Variants in DHRS13 observed in about 807,000 individuals in gnomAD.
DHRS13 encodes dehydrogenase/reductase SDR family member 13.
In DHRS13, 22 loss-of-function variants were observed where a neutral mutation model predicts 17.9. The observed-to-expected ratio is 1.23, with a 90% CI of 0.88 to 1.75. The LOEUF (loss-of-function observed/expected upper bound fraction) is 1.75, where lower values mean the gene tolerates loss of function less well. Ranked by LOEUF, DHRS13 falls within the 40% of genes most tolerant of loss-of-function variation. The probability of loss-of-function intolerance (pLI) is 0.00; values close to 1 mark genes in which losing one functional copy is unlikely to be tolerated. For synonymous variants in DHRS13, 206 were observed against 220.4 expected, an observed-to-expected ratio of 0.93 and a Z score of 0.58; for missense variants, 483 against 519.9, an observed-to-expected ratio of 0.93 and a Z score of 0.69.
In DHRS13 at chr17:28,901,246, G is replaced by T; in HGVS notation, c.426C>A (p.Asn142Lys). Residue 142 changes from asparagine (N) to lysine (K), a missense_variant, in exon 4 of 5, where the codon AAC becomes AAA. Transcript: ENST00000378895. The surrounding 1 kb of genome is among the most constrained non-coding windows in gnomAD (Gnocchi z 4.3). Reference sequence around the variant, plus strand: ...GTGTCAGCAGAAAGGGACCGATATGGTTCACCCGAAGCAGCAGGTTAAACG... The same window carrying T: ...GTGTCAGCAGAAAGGGACCGATATGTTTCACCCGAAGCAGCAGGTTAAACG... ...REAFNLLLRV[N>K]HIGPFLLTHL... 6.2e-7 allele frequency: 1 copy of T among 1,614,146 alleles called. No individual in the cohort carries two copies. The highest frequency in any genetic ancestry group is 8.5e-7 in the Non-Finnish European group (1 of 1,179,998).
In DHRS13 at chr17:28,902,862, C is replaced by G. The variant is rs762229292; in HGVS notation, c.83G>C (p.Cys28Ser). The G allele has an allele frequency of 6.4e-7, 1 of 1,550,874 alleles. No homozygotes were observed. Among genetic ancestry groups the G allele is most frequent in the Non-Finnish European group, 8.6e-7 (1 of 1,156,914 alleles). ...VYYNLVKAPP[C>S]GGMGNLRGRT... ...GCCCCGCAGGTTGCCCATGCCGCCG[C>G]ACGGCGGGGCCTTCACCAGGTTGTA... Residue 28 changes from cysteine (C) to serine (S), a missense_variant, in exon 1 of 5, where the codon TGC (cysteine) becomes TCC (serine). Coordinates refer to ENST00000378895, the MANE Select transcript of DHRS13 (RefSeq NM_144683.4). This position sits in a 1 kb window ranked among gnomAD's most constrained non-coding sequence, Gnocchi z 4.0.
At position 28,898,805 on chromosome 17, in the gene DHRS13, G is replaced by GC; in HGVS notation, c.769dup (p.Ala257GlyfsTer64). ...GGGTGTCTGGGCACCCCCTCTTGGT[G>GC]CCCGGAGCACCAGCCAAGCCAATGG... On this transcript the variant is annotated frameshift_variant, in exon 5 of 5. Transcript: ENST00000378895. LOFTEE classifies it low-confidence loss of function (END_TRUNC). The GC allele has an allele frequency of 6.2e-7, 1 of 1,610,434 alleles. No individual in the cohort carries two copies.
rs903221775 is a variant in DHRS13, at chr17:28,902,467, C to G, written c.246+116G>C. The G allele has an allele frequency of 6.3e-6, 7 of 1,118,776 alleles. No individual in the cohort carries two copies. The Admixed American group carries it at 1.6e-4, about 26-fold the overall frequency. The allele number at this position is 1,118,776 out of a possible 1,614,324, so 69.3% of individuals were successfully genotyped here. On this transcript the variant is annotated intron_variant, in intron 2 of 4. Coordinates refer to ENST00000378895, the MANE Select transcript of DHRS13 (RefSeq NM_144683.4). The surrounding 1 kb of genome is among the most constrained non-coding windows in gnomAD (Gnocchi z 4.0). ...CCGTGCACTCCCTCTTCGCGCTCAG[C>G]CGCCCGCGCCGCGCTCTCCTCCCTG... is the stretch of plus-strand genomic sequence containing the variant.
Position 28,902,875 on chromosome 17 carries a change from T to G in DHRS13, c.70A>C (p.Lys24Gln). The G allele has an allele frequency of 3.2e-6, 5 of 1,555,038 alleles. No individual in the cohort carries two copies. The highest frequency in any genetic ancestry group is 4.3e-6 in the Non-Finnish European group (5 of 1,158,928). The change falls in exon 1 of 5, where the codon AAG (lysine) becomes CAG (glutamine). Residue 24 changes from lysine to glutamine, a missense_variant. Coordinates refer to ENST00000378895, the MANE Select transcript of DHRS13 (RefSeq NM_144683.4). The surrounding 1 kb of genome is among the most constrained non-coding windows in gnomAD (Gnocchi z 4.0). ...AYVLVYYNLV[K>Q]APPCGGMGNL... ...CCCATGCCGCCGCACGGCGGGGCCT[T>G]CACCAGGTTGTAGTAGACAAGCACG...
Position 28,901,331 on chromosome 17 carries a change from C to A in DHRS13, c.371-30G>T. On this transcript the variant is annotated intron_variant, in intron 3 of 4. Coordinates refer to ENST00000378895, the MANE Select transcript of DHRS13 (RefSeq NM_144683.4). The surrounding 1 kb of genome is among the most constrained non-coding windows in gnomAD (Gnocchi z 4.3). ...GGCAGAGGCTAAATGTGAGCGGCTG[C>A]TCCAGAAGGAGCTCTGCAGCCTTGG... 1 of 1,586,052 alleles carries A rather than the reference C, an allele frequency of 6.3e-7. No homozygotes were observed. The highest frequency in any genetic ancestry group is 8.6e-7 in the Non-Finnish European group (1 of 1,164,384).
rs200652450 is a variant in DHRS13, at chr17:28,898,691, C to T, written c.884G>A (p.Arg295Gln). Reference protein sequence around the residue: ...CHVEEVPPAARDDRAAHRLWE... With the variant: ...CHVEEVPPAAQDDRAAHRLWE... ...TAGCCGATGGGCTGCCCGGTCGTCT[C>T]GGGCAGCTGGAGGCACCTCTTCCAC... Residue 295 changes from arginine (R) to glutamine (Q), a missense_variant, in exon 5 of 5, where the codon CGA (arginine) becomes CAA (glutamine). Arg to Gln is a conservative substitution (Grantham distance 43). Coordinates refer to ENST00000378895, the MANE Select transcript of DHRS13 (RefSeq NM_144683.4). The T allele has an allele frequency of 3.5e-5, 56 of 1,613,660 alleles. No individual in the cohort carries two copies. In the East Asian group the frequency reaches 6.5e-4, roughly 19 times the overall value.
Position 28,902,899 on chromosome 17 carries a change from C to G in DHRS13, c.46G>C (p.Val16Leu), listed in dbSNP as rs767354285. Reference sequence around the variant, plus strand: ...TTCACCAGGTTGTAGTAGACAAGCACGTAAGCGCCCAGCAGCAACCCCGCG... The same window carrying G: ...TTCACCAGGTTGTAGTAGACAAGCAGGTAAGCGCCCAGCAGCAACCCCGCG... Reference protein sequence around the residue: ...LGAGLLLGAYVLVYYNLVKAP... With the variant: ...LGAGLLLGAYLLVYYNLVKAP... Residue 16 changes from valine to leucine, a missense_variant, in exon 1 of 5, where the codon GTG (valine) becomes CTG (leucine). Val to Leu is a conservative substitution (Grantham distance 32). Transcript: ENST00000378895. The surrounding 1 kb of genome is among the most constrained non-coding windows in gnomAD (Gnocchi z 4.0). The G allele has an allele frequency of 6.4e-7, 1 of 1,555,354 alleles. No homozygotes were observed. Among genetic ancestry groups the G allele is most frequent in the Non-Finnish European group, 8.6e-7 (1 of 1,158,850 alleles).
At position 28,901,121 on chromosome 17, in the gene DHRS13, T is replaced by G; in HGVS notation, c.551A>C (p.Asp184Ala). The G allele has an allele frequency of 6.2e-7, 1 of 1,614,062 alleles. No homozygotes were observed. Among genetic ancestry groups the G allele is most frequent in the African/African-American group, 1.3e-5 (1 of 74,998 alleles). ...CRGRLDFKRL[D>A]RPVVGWRQEL... ...CTGCCGCCAGCCCACCACTGGGCGG[T>G]CCAGGCGTTTGAAGTCAAGACGTCC... is the stretch of plus-strand genomic sequence containing the variant. The change falls in exon 4 of 5, where the codon GAC (aspartate) becomes GCC (alanine). Residue 184 changes from aspartate to alanine, a missense_variant. Transcript: ENST00000378895. This position sits in a 1 kb window ranked among gnomAD's most constrained non-coding sequence, Gnocchi z 4.3.
Position 28,902,903 on chromosome 17 carries a change from A to G in DHRS13, c.42T>C (p.Ala14=). ...LLLGAGLLLG[A]YVLVYYNLVK... is the part of the protein sequence containing the mutation. ...CCAGGTTGTAGTAGACAAGCACGTAAGCGCCCAGCAGCAACCCCGCGCCCA... is the reference window on the plus strand; with the variant it reads ...CCAGGTTGTAGTAGACAAGCACGTAGGCGCCCAGCAGCAACCCCGCGCCCA... Residue 14 remains alanine, a synonymous_variant, in exon 1 of 5, where the codon GCT becomes GCC. Transcript: ENST00000378895. The surrounding 1 kb of genome is among the most constrained non-coding windows in gnomAD (Gnocchi z 4.0). The G allele has an allele frequency of 6.4e-7, 1 of 1,553,024 alleles. No individual in the cohort carries two copies. Among genetic ancestry groups the G allele is most frequent in the African/African-American group, 1.4e-5 (1 of 70,632 alleles).
Position 28,901,144 on chromosome 17 carries a change from TC to T in DHRS13, c.527del (p.Gly176AspfsTer55). The stretch of plus-strand genomic sequence containing the variant: ...GGTCCAGGCGTTTGAAGTCAAGACG[TC>T]CCCGACAGTGGGCAGCTGAGGCTAC... ...VVVASAAHCR[G>X]RLDFKRLDRP... On this transcript the variant is annotated frameshift_variant, in exon 4 of 5. Coordinates refer to ENST00000378895, the MANE Select transcript of DHRS13 (RefSeq NM_144683.4). LOFTEE classifies it high-confidence loss of function. This position sits in a 1 kb window ranked among gnomAD's most constrained non-coding sequence, Gnocchi z 4.3. 6.2e-7 allele frequency: 1 copy of T among 1,614,026 alleles called. No individual in the cohort carries two copies. The highest frequency in any genetic ancestry group is 8.5e-7 in the Non-Finnish European group (1 of 1,179,990).
chr17:28,901,571 TGGCCAAGTCCAA>T lies in DHRS13; in HGVS notation c.280_291del (p.Leu94_Ala97del). ...GCAAAGGCCCGCACCGAGGCCAGAC[TGGCCAAGTCCAA>T]GGCCATGAAGATGACCTCATTGTTC... On this transcript the variant is annotated inframe_deletion, in exon 3 of 5. Transcript: ENST00000378895. The surrounding 1 kb of genome is among the most constrained non-coding windows in gnomAD (Gnocchi z 4.3). 6.2e-7 allele frequency: 1 copy of T among 1,614,226 alleles called. No individual in the cohort carries two copies. Among genetic ancestry groups the T allele is most frequent in the Non-Finnish European group, 8.5e-7 (1 of 1,180,044 alleles).
At chr17:28,900,904 G>T in intron 4 of DHRS13, 86 bp downstream of exon 4, 1 of 1,379,102 alleles carries the variant, frequency 7.3e-7, no homozygotes, top group Non-Finnish European at 9.9e-7. Context: ...GAGGGATGGA[G>T]GGTGGGGAGG....
rs2039774181 is a variant in DHRS13, at chr17:28,898,078, G to A, written c.*363C>T. ...AACTACCTAGCTAGACGGTTGCAAA[G>A]GGATCAGTTCACTAATTCTCAATGT... On this transcript the variant is annotated 3_prime_UTR_variant, in exon 5 of 5. Transcript: ENST00000378895. The A allele has an allele frequency of 7.3e-6, 2 of 272,970 alleles. No individual in the cohort carries two copies. Among genetic ancestry groups the A allele is most frequent in the Non-Finnish European group, 6.9e-6 (1 of 144,894 alleles). The allele number at this position is 272,970 out of a possible 1,614,324, so 16.9% of individuals were successfully genotyped here.
At position 28,901,359 on chromosome 17, in the gene DHRS13, T is replaced by C; in HGVS notation, c.371-58A>G. On this transcript the variant is annotated intron_variant, in intron 3 of 4. Coordinates refer to ENST00000378895, the MANE Select transcript of DHRS13 (RefSeq NM_144683.4). This position sits in a 1 kb window ranked among gnomAD's most constrained non-coding sequence, Gnocchi z 4.3. ...CAGAAGGAGCTCTGCAGCCTTGGCA[T>C]CCCTATCTATGAGATGGGAGAAGGG... 2.5e-6 allele frequency: 4 copies of C among 1,581,376 alleles called. No homozygotes were observed. Among genetic ancestry groups the C allele is most frequent in the Non-Finnish European group, 3.4e-6 (4 of 1,162,310 alleles).
At chr17:28,898,921 G>C in intron 4 of DHRS13, 29 bp from the exon 5 acceptor site, 1 of 1,538,694 alleles carries the variant, frequency 6.5e-7, no homozygotes, top group Non-Finnish European at 8.7e-7. Flanking sequence ...AAAGGAGTCG[G>C]GCTAGGCACA....
At position 28,902,792 on chromosome 17, in the gene DHRS13, TCGCACTCACCCGCCTC is replaced by T. The variant is rs770346102; in HGVS notation, c.127+10_127+25del. 1.7e-4 allele frequency: 248 copies of T among 1,500,942 alleles called. No homozygotes were observed. Among genetic ancestry groups the T allele is most frequent in the Non-Finnish European group, 9.4e-5 (106 of 1,132,870 alleles). 93.0% of individuals were successfully genotyped at this position (1,500,942 alleles called of 1,614,324 possible). A position where few individuals can be genotyped will look rare whatever the true frequency, so the allele number is the denominator to read the frequency against. The stretch of plus-strand genomic sequence containing the variant: ...CCTCCTCTCCGCGCGCCCCGCCAGC[TCGCACTCACCCGCCTC>T]CGCACTCACCCGTGACCACGGCCGT... On this transcript the variant is annotated intron_variant, in intron 1 of 4. Transcript: ENST00000378895. The surrounding 1 kb of genome is among the most constrained non-coding windows in gnomAD (Gnocchi z 4.0).
chr17:28,899,952 C>A lies in DHRS13; in HGVS notation c.682+1038G>T, dbSNP rs2039793517. Among the ~76,000 whole-genome samples the A allele has an allele frequency of 2.0e-5, 3 of 151,120 alleles. No homozygotes were observed. Among genetic ancestry groups the A allele is most frequent in the South Asian group, 4.2e-4 (2 of 4,788 alleles). ...TTTTTGAGATGGAGTCTTGCTCTGT[C>A]CCCCAGGCTGGAGTGCGGTGGCGTG... On this transcript the variant is annotated intron_variant, in intron 4 of 4. Coordinates refer to ENST00000378895, the MANE Select transcript of DHRS13 (RefSeq NM_144683.4). This position sits in a 1 kb window ranked among gnomAD's most constrained non-coding sequence, Gnocchi z 4.7.
In DHRS13 at chr17:28,898,534, A is replaced by G. The variant is rs1208069343; in HGVS notation, c.1041T>C (p.Ser347=). Residue 347 remains serine (S), a synonymous_variant, in exon 5 of 5, where the codon TCT becomes TCC. Transcript: ENST00000378895. ...AGCTCTGAGGGCTGGGGTAAGGTTG[A>G]GAAACTGTGGGCTCCTCAGGGTGGG... The part of the protein sequence containing the change: ...STPHPEEPTV[S]QPYPSPQSSP... The G allele has an allele frequency of 3.1e-6, 5 of 1,611,346 alleles. No homozygotes were observed. The highest frequency in any genetic ancestry group is 8.5e-7 in the Non-Finnish European group (1 of 1,178,866).
Position 28,902,702 on chromosome 17 carries a change from C to T in DHRS13, c.128-1G>A. 2 of 1,360,212 alleles carry T rather than the reference C, an allele frequency of 1.5e-6. No individual in the cohort carries two copies. The highest frequency in any genetic ancestry group is 1.9e-6 in the Non-Finnish European group (2 of 1,064,518). 84.3% of individuals were successfully genotyped at this position (1,360,212 alleles called of 1,614,324 possible). A position where few individuals can be genotyped will look rare whatever the true frequency, so the allele number is the denominator to read the frequency against. Reference sequence around the variant, plus strand: ...ATCTTTCCGATGCCGCTGTTGGCGCCTGCGGACCGCGGGCGGGAGCCGAGC... The same window carrying T: ...ATCTTTCCGATGCCGCTGTTGGCGCTTGCGGACCGCGGGCGGGAGCCGAGC... On this transcript the variant is annotated splice_acceptor_variant, in intron 1 of 4. Coordinates refer to ENST00000378895, the MANE Select transcript of DHRS13 (RefSeq NM_144683.4). LOFTEE classifies it high-confidence loss of function. This position sits in a 1 kb window ranked among gnomAD's most constrained non-coding sequence, Gnocchi z 4.0.
Sources: gnomAD v4.1 joint callset for allele counts (sites outside exome capture counted in the v4.1 genomes callset) on GRCh38, gnomAD v4.1.1 for gene constraint, Gnocchi (gnomAD v3.1) non-coding constraint, MANE v1.5 for transcripts, NCBI Gene and HGNC (gene_info 2026-07-23, HGNC 2026-07-21) for gene names.